ASH1L: variants seen among roughly 807,000 people sequenced by gnomAD.
ASH1L encodes the protein ASH1 like histone lysine methyltransferase.
A neutral mutation model predicts 269.0 loss-of-function variants in ASH1L; 23 were observed. The observed-to-expected ratio is 0.09, with a 90% CI of 0.06 to 0.12. The LOEUF is 0.12. ASH1L is among the 10% of genes least tolerant of loss of function. The probability of loss-of-function intolerance (pLI) is 1.00; values close to 1 mark genes in which losing one functional copy is unlikely to be tolerated. For missense variants in ASH1L, 2,912 were observed against 3,567.8 expected (o/e 0.82, Z 4.68); for synonymous variants, 1,187 against 1,253.5 (o/e 0.95, Z 1.12).
At chr1:155,544,241 G>C (rs977066321) in intron 1 of ASH1L, among the ~76,000 whole-genome samples, 1 of 151,118 alleles carries the variant, frequency 6.6e-6, no homozygotes, top group Non-Finnish European at 1.5e-5. Context: ...AAAAGTAAAA[G>C]TATCTGAATG....
intron 2 of ASH1L, among the ~76,000 whole-genome samples, chr1:155,517,430 A>C (rs893874919): frequency 3.9e-5 from 6 of 152,148 alleles, no homozygotes; most frequent in Non-Finnish European, 7.3e-5. Flanking sequence ...GGAGTTTGAG[A>C]CCAGCCTGGC....
chr1:155,467,553 A>G (rs112262994), intron 3 of ASH1L, among the ~76,000 whole-genome samples: 1,616 of 152,284 alleles, frequency 0.011, 38 homozygotes, highest in African/African-American at 0.038. Context: ...CAGTGAATAT[A>G]CTTGTTTACT....
At chr1:155,514,207 G>C (rs996146264) in intron 2 of ASH1L, among the ~76,000 whole-genome samples, 1 of 152,152 alleles carries the variant, frequency 6.6e-6, no homozygotes. Context: ...CAGAGCTGGT[G>C]GGTGGGCATG....
intron 6 of ASH1L, among the ~76,000 whole-genome samples, chr1:155,397,678 G>A (rs1331609906): frequency 1.3e-5 from 2 of 152,056 alleles, no homozygotes; most frequent in Admixed American, 6.6e-5. Flanking sequence ...AGCCTCCCGA[G>A]TAGCTGGGAT....
chr1:155,367,200 G>T (rs1382416783), intron 12 of ASH1L, among the ~76,000 whole-genome samples: 1 of 152,054 alleles, frequency 6.6e-6, no homozygotes, highest in Non-Finnish European at 1.5e-5. Context: ...CACCATGTTG[G>T]TCAGACTGGT....
At chr1:155,447,101 G>C (rs147672900) in intron 4 of ASH1L, among the ~76,000 whole-genome samples, 1 of 152,180 alleles carries the variant, frequency 6.6e-6, no homozygotes, top group African/African-American at 2.4e-5. Context: ...CTGAATAGAA[G>C]TAGTGGACAT....
At chr1:155,391,854 G>A (rs1444154537) in intron 7 of ASH1L, among the ~76,000 whole-genome samples, 1 of 152,066 alleles carries the variant, frequency 6.6e-6, no homozygotes, top group Non-Finnish European at 1.5e-5. Flanking sequence ...TACTTGGGAG[G>A]CTGAAGTGGG....
chr1:155,500,786 T>A (rs888939931), intron 2 of ASH1L, among the ~76,000 whole-genome samples: 2 of 152,116 alleles, frequency 1.3e-5, no homozygotes, highest in Admixed American at 1.3e-4. Context: ...CTGGTCAACA[T>A]GGCGAAACCC....
chr1:155,441,905 A>G (rs1662611075), intron 4 of ASH1L, among the ~76,000 whole-genome samples: 1 of 151,864 alleles, frequency 6.6e-6, no homozygotes, highest in Non-Finnish European at 1.5e-5. Flanking sequence ...AGCTGGGACT[A>G]CAGGCATGCA....
chr1:155,527,697 T>C (rs1387180908), intron 1 of ASH1L, among the ~76,000 whole-genome samples: 1 of 151,980 alleles, frequency 6.6e-6, no homozygotes, highest in Non-Finnish European at 1.5e-5. Context: ...TACAGGCATG[T>C]GCCACCATGT....
chr1:155,420,013 T>C (rs1660535653), intron 5 of ASH1L, among the ~76,000 whole-genome samples: 1 of 152,110 alleles, frequency 6.6e-6, no homozygotes, highest in African/African-American at 2.4e-5. Flanking sequence ...AATTAAACAA[T>C]GCTACTTAAA....
At chr1:155,563,141 G>A (rs1414901593), upstream of ASH1L, 3 of 457,380 alleles carry the variant, frequency 6.6e-6, no homozygotes, top group Admixed American at 7.0e-5. Flanking sequence ...CCGGATCGCG[G>A]CGAGCGGATC....
intron 24 of ASH1L, among the ~76,000 whole-genome samples, chr1:155,342,596 C>T (rs571421813): frequency 6.6e-6 from 1 of 152,328 alleles, no homozygotes; most frequent in African/African-American, 2.4e-5. Flanking sequence ...GGCAACTGAA[C>T]TCTGCTAATA....
chr1:155,415,606 G>A (rs1045216347), intron 6 of ASH1L, 138 bp downstream of exon 6: 6 of 929,674 alleles, frequency 6.5e-6, no homozygotes, highest in African/African-American at 3.3e-5. Flanking sequence ...TGAGGGAGGC[G>A]TACCTCATAC....
intron 4 of ASH1L, among the ~76,000 whole-genome samples, chr1:155,450,459 A>C (rs1571246143): frequency 6.6e-6 from 1 of 152,222 alleles, no homozygotes; most frequent in Admixed American, 6.5e-5. Context: ...ACAGGTCACT[A>C]AAGTTTCATT....
intron 3 of ASH1L, among the ~76,000 whole-genome samples, chr1:155,464,635 T>C (rs528365783): frequency 6.9e-4 from 105 of 152,210 alleles, no homozygotes; most frequent in African/African-American, 2.5e-3. Flanking sequence ...GGCAGACTAC[T>C]AGTAAAGAGG....
At chr1:155,508,564 C>T (rs1667965332) in intron 2 of ASH1L, among the ~76,000 whole-genome samples, 2 of 152,132 alleles carry the variant, frequency 1.3e-5, no homozygotes, top group African/African-American at 4.8e-5. Context: ...ACTTGAACCC[C>T]AGAAGGCGGA....
At chr1:155,520,938 T>C (rs764474896) in intron 2 of ASH1L, among the ~76,000 whole-genome samples, 162 bp downstream of exon 2, 24 of 152,228 alleles carry the variant, frequency 1.6e-4, no homozygotes, top group Non-Finnish European at 2.9e-4. Context: ...TTAACTTACA[T>C]CTTTGACAAG....
At chr1:155,488,502 C>CAAAAAAA (rs368511587) in intron 2 of ASH1L, among the ~76,000 whole-genome samples, 3 of 41,306 alleles carry the variant, frequency 7.3e-5, no homozygotes, top group Non-Finnish European at 1.1e-4. Flanking sequence ...ACTAAAAATA[C>CAAAAAAA]AAAAAAAAAA....
Sources: gnomAD v4.1 joint callset for allele counts (sites outside exome capture counted in the v4.1 genomes callset) on GRCh38, gnomAD v4.1.1 for gene constraint, MANE v1.5 for transcripts, NCBI Gene and HGNC (gene_info 2026-07-23, HGNC 2026-07-21) for gene names.